The following SPECC1 variants were observed in gnomAD, a reference collection of about 807,000 sequenced individuals.
SPECC1 encodes cytospin-B.
In SPECC1, 62 loss-of-function variants were observed where a neutral mutation model predicts 104.1. The ratio of observed to expected loss-of-function variants is 0.60; its 90% CI spans 0.49 to 0.74. The LOEUF (loss-of-function observed/expected upper bound fraction) is 0.74. SPECC1 is among the 30% of genes least tolerant of loss of function. The pLI, the probability that SPECC1 is intolerant of heterozygous loss-of-function variation, is 0.00. For synonymous variants in SPECC1, 513 were observed against 501.6 expected, an observed-to-expected ratio of 1.02 and a Z score of -0.30; for missense variants, 1,306 against 1,310.5, an observed-to-expected ratio of 1.00 and a Z score of 0.05.
intron 3 of SPECC1, among the ~76,000 whole-genome samples, chr17:20,172,044 T>G (rs1051053437): frequency 6.6e-6 from 1 of 152,228 alleles, no homozygotes; most frequent in Non-Finnish European, 1.5e-5. Context: ...TCTCTTCCTT[T>G]TCCCGCTGAT....
intron 2 of SPECC1, among the ~76,000 whole-genome samples, chr17:20,101,062 T>C (rs1467505206): frequency 1.3e-5 from 2 of 152,240 alleles, no homozygotes; most frequent in Non-Finnish European, 2.9e-5. Flanking sequence ...ATCCAGTCTA[T>C]CATTGATGGA....
At position 20,231,284 on chromosome 17, in the gene SPECC1, T is replaced by C. The variant is rs187627428; in HGVS notation, c.2072-474T>C. 1.9e-3 allele frequency among the ~76,000 whole-genome samples: 283 copies of C among 152,340 alleles called. 1 individual carries two copies. Among genetic ancestry groups the C allele is most frequent in the Non-Finnish European group, 3.1e-3 (208 of 68,024 alleles). ...AAAGCTTCACCAGTGATTTAGAGGC[T>C]TAACTGTGATTGAGACCCATGACTC... On this transcript the variant is annotated intron_variant, in intron 5 of 14. Coordinates refer to ENST00000395527, the MANE Select transcript of SPECC1 (RefSeq NM_001243439.2).
Position 20,227,481 on chromosome 17 carries a change from C to A in SPECC1, c.1932C>A (p.Ser644Arg), listed in dbSNP as rs2038293144. The stretch of plus-strand genomic sequence containing the variant: ...AAGCCGAACAGCTGAGCAGAACCAG[C>A]CTAAAGCTGCAAGAAAAAGCATCAG... ...DHQAEQLSRT[S>R]LKLQEKASES... Residue 644 changes from serine to arginine, a missense_variant, in exon 5 of 15, where the codon AGC (serine) becomes AGA (arginine). Ser to Arg is a moderately radical substitution (Grantham distance 110, BLOSUM62 -1). Transcript: ENST00000395527. The A allele has an allele frequency of 6.8e-6, 11 of 1,613,556 alleles. No individual in the cohort carries two copies. Among genetic ancestry groups the A allele is most frequent in the Non-Finnish European group, 9.3e-6 (11 of 1,179,890 alleles).
intron 1 of SPECC1, among the ~76,000 whole-genome samples, chr17:20,090,194 T>C (rs985447339): frequency 6.6e-6 from 1 of 152,178 alleles, no homozygotes; most frequent in Non-Finnish European, 1.5e-5. Context: ...CTCTGTCTTC[T>C]TCCTCCAGCT....
chr17:20,255,118 A>G (rs771360084), intron 10 of SPECC1, among the ~76,000 whole-genome samples: 1 of 152,196 alleles, frequency 6.6e-6, no homozygotes, highest in Non-Finnish European at 1.5e-5. Flanking sequence ...CTCGAGTAAT[A>G]GCTTTCTAAA....
At chr17:20,177,628 A>G (rs1279521371) in intron 3 of SPECC1, among the ~76,000 whole-genome samples, 3 of 152,248 alleles carry the variant, frequency 2.0e-5, no homozygotes, top group Non-Finnish European at 4.4e-5. Flanking sequence ...TATCCTTAAC[A>G]TCTCCATAAT....
At position 20,205,300 on chromosome 17, in the gene SPECC1, T is replaced by C. The variant is rs1294137093; in HGVS notation, c.1251T>C (p.Asp417=). 3.7e-6 allele frequency: 6 copies of C among 1,614,024 alleles called. No individual in the cohort carries two copies. The highest frequency in any genetic ancestry group is 3.4e-6 in the Non-Finnish European group (4 of 1,180,044). Residue 417 remains aspartate, a synonymous_variant, in exon 4 of 15, where the codon GAT becomes GAC. Transcript: ENST00000395527. The stretch of plus-strand genomic sequence containing the variant: ...CAGCTGAAAATGAGAAGCTGGTGGA[T>C]GAAAAGACGATTTTAGAGACATCCT... The part of the protein sequence containing the change: ...ELTAENEKLV[D]EKTILETSFH...
At chr17:20,088,095 C>T (rs541798578) in intron 1 of SPECC1, among the ~76,000 whole-genome samples, 5 of 151,818 alleles carry the variant, frequency 3.3e-5, no homozygotes, top group South Asian at 2.1e-4. Flanking sequence ...CAGAGCTAGG[C>T]GAGGAGGTGG....
At chr17:20,103,140 C>A (rs531699831) in intron 2 of SPECC1, among the ~76,000 whole-genome samples, 1 of 152,318 alleles carries the variant, frequency 6.6e-6, no homozygotes. Context: ...AGCTTTTTTC[C>A]CAACCCCTGT....
At chr17:20,289,392 C>A (rs541942397) in intron 12 of SPECC1, among the ~76,000 whole-genome samples, 3 of 152,186 alleles carry the variant, frequency 2.0e-5, no homozygotes, top group African/African-American at 7.2e-5. Context: ...ACCTCTGCCT[C>A]CTGGGTTCAA....
intron 9 of SPECC1, among the ~76,000 whole-genome samples, chr17:20,250,299 G>T (rs2039573465): frequency 6.6e-6 from 1 of 152,130 alleles, no homozygotes; most frequent in Non-Finnish European, 1.5e-5. Flanking sequence ...TAGGATACTT[G>T]CAGTGAAAAG....
intron 12 of SPECC1, among the ~76,000 whole-genome samples, chr17:20,276,719 T>C (rs939279898): frequency 6.6e-6 from 1 of 152,202 alleles, no homozygotes; most frequent in Non-Finnish European, 1.5e-5. Context: ...GGAATAATCA[T>C]AAAGTTTAAA....
intron 3 of SPECC1, among the ~76,000 whole-genome samples, chr17:20,151,031 T>A (rs2031960092): frequency 6.6e-6 from 1 of 152,200 alleles, no homozygotes; most frequent in African/African-American, 2.4e-5. Context: ...TTGTCTTCCT[T>A]AAAACGCTTA....
intron 1 of SPECC1, among the ~76,000 whole-genome samples, chr17:20,034,318 C>T (rs1292057008): frequency 3.3e-5 from 5 of 151,942 alleles, no homozygotes; most frequent in Admixed American, 6.6e-5. Flanking sequence ...AGGCTGGTCT[C>T]GAACTCCTGA....
At chr17:20,102,747 A>G (rs1004245571) in intron 2 of SPECC1, among the ~76,000 whole-genome samples, 1 of 152,072 alleles carries the variant, frequency 6.6e-6, no homozygotes, top group Non-Finnish European at 1.5e-5. Context: ...TCCCCGTTGC[A>G]TTGCGTTCAT....
intron 3 of SPECC1, among the ~76,000 whole-genome samples, chr17:20,163,159 C>G (rs1204093655): frequency 6.6e-6 from 1 of 152,086 alleles, no homozygotes; most frequent in Non-Finnish European, 1.5e-5. Flanking sequence ...AAAGAGCTTC[C>G]CCTAATTAAG....
intron 3 of SPECC1, among the ~76,000 whole-genome samples, chr17:20,178,794 A>G (rs2034655573): frequency 1.3e-5 from 2 of 152,250 alleles, no homozygotes; most frequent in African/African-American, 2.4e-5. Context: ...ACATCGTATT[A>G]TAAAAGAAGA....
chr17:20,101,791 C>T (rs1183671732), intron 2 of SPECC1, among the ~76,000 whole-genome samples: 1 of 152,204 alleles, frequency 6.6e-6, no homozygotes, highest in Non-Finnish European at 1.5e-5. Flanking sequence ...TTAACAAACC[C>T]TTCCTGTGAC....
intron 2 of SPECC1, among the ~76,000 whole-genome samples, chr17:20,106,830 T>A (rs1342339949): frequency 1.3e-5 from 2 of 152,082 alleles, no homozygotes; most frequent in Non-Finnish European, 2.9e-5. Context: ...ACAGTCCAGT[T>A]GCTAAATTAG....
Sources: gnomAD v4.1 joint callset for allele counts (sites outside exome capture counted in the v4.1 genomes callset) on GRCh38, gnomAD v4.1.1 for gene constraint, MANE v1.5 for transcripts, NCBI Gene and HGNC (gene_info 2026-07-23, HGNC 2026-07-21) for gene names.